The following ZBTB17 variants were observed in gnomAD, a reference collection of about 807,000 sequenced individuals.
ZBTB17 encodes zinc finger and BTB domain-containing protein 17.
A neutral mutation model predicts 85.1 loss-of-function variants in ZBTB17; 24 were observed. That is an observed-to-expected ratio of 0.28 (90% confidence interval 0.20 to 0.40). The LOEUF (loss-of-function observed/expected upper bound fraction) is 0.40, where lower values mean the gene tolerates loss of function less well. Ranked by LOEUF, ZBTB17 falls within the 10% of genes least tolerant of loss-of-function variation. The pLI, the probability that ZBTB17 is intolerant of heterozygous loss-of-function variation, is 1.00. For synonymous variants in ZBTB17, 464 were observed against 460.2 expected (o/e 1.01, Z -0.11); for missense variants, 743 against 1,105.1 (o/e 0.67, Z 4.65).
rs41339145 is a variant in ZBTB17 at position 15,970,200 on chromosome 1, T to A, written c.-3+2839A>T. 6.6e-4 allele frequency: 325 copies of A among 491,284 alleles called. 1 individual carries two copies. Among genetic ancestry groups the A allele is most frequent in the African/African-American group, 5.8e-3 (295 of 50,776 alleles). The allele number at this position is 491,284 out of a possible 1,614,324, so 30.4% of individuals were successfully genotyped here. ...TTGCTGCCAAGTTTATTTGCCAAGC[T>A]GATAAATGTCTAAATTGCTTGACTC... On this transcript the variant is annotated intron_variant, in intron 2 of 15. Coordinates refer to ENST00000375743, the MANE Select transcript of ZBTB17 (RefSeq NM_003443.3).
In ZBTB17 at chr1:15,948,297, C is replaced by T. The variant is rs1008508375; in HGVS notation, c.199G>A (p.Ala67Thr). The T allele has an allele frequency of 3.1e-6, 5 of 1,613,734 alleles. No individual in the cohort carries two copies. The highest frequency in any genetic ancestry group is 4.2e-6 in the Non-Finnish European group (5 of 1,180,050). The change falls in exon 3 of 16, where the codon GCG (alanine) becomes ACG (threonine). Residue 67 changes from alanine to threonine, a missense_variant. Physicochemically the swap from Ala to Thr is moderately conservative, Grantham distance 58. Coordinates refer to ENST00000375743, the MANE Select transcript of ZBTB17 (RefSeq NM_003443.3). ...KDVVHLDISN[A>T]AGLGQVLEFM... Reference sequence around the variant, plus strand: ...CCCAGCCCTGACGGGGTACCTGCCGCGTTACTGATGTCCAGGTGCACCACG... The same window carrying T: ...CCCAGCCCTGACGGGGTACCTGCCGTGTTACTGATGTCCAGGTGCACCACG...
At chr1:15,950,313 G>A (rs2071787202) in intron 2 of ZBTB17, among the ~76,000 whole-genome samples, 1 of 152,258 alleles carries the variant, frequency 6.6e-6, no homozygotes, top group South Asian at 2.1e-4. Flanking sequence ...ACATGGGGAG[G>A]CACCAATGTC....
intron 5 of ZBTB17, 74 bp downstream of exon 5, chr1:15,946,080 A>G (rs2071596493): frequency 2.5e-6 from 4 of 1,598,284 alleles, no homozygotes; most frequent in Non-Finnish European, 3.4e-6. Context: ...GCCCCAAGGC[A>G]GCCCTCACTA....
chr1:15,948,100 A>G (rs970645222), intron 3 of ZBTB17, 191 bp downstream of exon 3: 1 of 682,616 alleles, frequency 1.5e-6, no homozygotes, highest in East Asian at 2.7e-5. Flanking sequence ...TTACCACTCC[A>G]CTACCAATCA....
rs1032481570 is a variant in ZBTB17 at position 15,966,276 on chromosome 1, C to T, written c.-3+6763G>A. ...CGAAATTCGAGTGGAGCCTGCCACT[C>T]GGGACAGGAAAGTGACTGCTTAGGT... On this transcript the variant is annotated intron_variant, in intron 2 of 15. Transcript: ENST00000375743. The surrounding 1 kb of genome is among the most constrained non-coding windows in gnomAD (Gnocchi z 4.1). 3.3e-5 allele frequency among the ~76,000 whole-genome samples: 5 copies of T among 152,070 alleles called. No individual in the cohort carries two copies. Among genetic ancestry groups the T allele is most frequent in the Admixed American group, 6.6e-5 (1 of 15,266 alleles).
intron 2 of ZBTB17, among the ~76,000 whole-genome samples, chr1:15,971,120 G>T (rs1460741442): frequency 6.6e-6 from 1 of 152,014 alleles, no homozygotes; most frequent in East Asian, 1.9e-4. Context: ...AGAAATCAGT[G>T]TTCACAACTT....
chr1:15,958,415 C>CAAAAAA (rs34593133), intron 2 of ZBTB17, among the ~76,000 whole-genome samples: 2 of 84,622 alleles, frequency 2.4e-5, no homozygotes, highest in Non-Finnish European at 4.6e-5. Flanking sequence ...CCAATACGAC[C>CAAAAAA]AAAAAAAAAA....
intron 2 of ZBTB17, among the ~76,000 whole-genome samples, chr1:15,961,626 C>G (rs1215270965): frequency 6.6e-6 from 1 of 152,224 alleles, no homozygotes. Context: ...CCAGGGCTCG[C>G]CCTTCAACAA....
Position 15,945,131 on chromosome 1 carries a change from C to T in ZBTB17, c.733G>A (p.Ala245Thr). Residue 245 changes from alanine (A) to threonine (T), a missense_variant, in exon 7 of 16, where the codon GCA becomes ACA. By Grantham distance (58) the Ala-to-Thr change is moderately conservative. Transcript: ENST00000375743. ...KEQEEQEEEG[A>T]GPAEVKEEGS... ...TCCTCCTTGACCTCAGCTGGCCCTGCGCCCTCCTCCTCTTGCTCCTCTTGC... is the reference window on the plus strand; with the variant it reads ...TCCTCCTTGACCTCAGCTGGCCCTGTGCCCTCCTCCTCTTGCTCCTCTTGC... 1 of 1,601,320 alleles carries T rather than the reference C, an allele frequency of 6.2e-7. No individual in the cohort carries two copies. Among genetic ancestry groups the T allele is most frequent in the Non-Finnish European group, 8.5e-7 (1 of 1,174,040 alleles).
At chr1:15,956,998 G>A (rs896648516) in intron 2 of ZBTB17, among the ~76,000 whole-genome samples, 32 of 152,072 alleles carry the variant, frequency 2.1e-4, no homozygotes, top group Non-Finnish European at 4.3e-4. Context: ...GGCCGACATA[G>A]TGAAACCCCA....
chr1:15,975,367 C>A (rs908784883), intron 1 of ZBTB17, among the ~76,000 whole-genome samples: 1 of 152,214 alleles, frequency 6.6e-6, no homozygotes, highest in African/African-American at 2.4e-5. Context: ...GATTCAAACC[C>A]CGCTGCTGGG....
At position 15,951,478 on chromosome 1, in the gene ZBTB17, A is replaced by G. The variant is rs1418231623; in HGVS notation, c.-2-2981T>C. Among the ~76,000 whole-genome samples the G allele has an allele frequency of 1.3e-5, 2 of 152,196 alleles. No homozygotes were observed. Among genetic ancestry groups the G allele is most frequent in the African/African-American group, 2.4e-5 (1 of 41,464 alleles). On this transcript the variant is annotated intron_variant, in intron 2 of 15. Coordinates refer to ENST00000375743, the MANE Select transcript of ZBTB17 (RefSeq NM_003443.3). The surrounding 1 kb of genome is among the most constrained non-coding windows in gnomAD (Gnocchi z 4.1). ...CTAAGTGCTAAATGGTGTTACCCGCAGAACTGTGTCACTGTGGACTTTACA... is the reference window on the plus strand; with the variant it reads ...CTAAGTGCTAAATGGTGTTACCCGCGGAACTGTGTCACTGTGGACTTTACA...
At chr1:15,971,483 T>TACACACTATATATATAC (rs2072669370) in intron 2 of ZBTB17, among the ~76,000 whole-genome samples, 3 of 85,912 alleles carry the variant, frequency 3.5e-5, no homozygotes, top group African/African-American at 1.6e-4. Flanking sequence ...ACTATATATA[T>TACACACTATATATATAC]ACACACACTA....
At chr1:15,944,117 T>TC in intron 9 of ZBTB17, 183 bp downstream of exon 9, 1 of 1,094,690 alleles carries the variant, frequency 9.1e-7, no homozygotes, top group Non-Finnish European at 1.3e-6. Flanking sequence ...CGGCCTGCCC[T>TC]CCGCAGAGCA....
At chr1:15,945,640 G>A (rs2071565783) in intron 6 of ZBTB17, 75 bp downstream of exon 6, 3 of 1,571,164 alleles carry the variant, frequency 1.9e-6, no homozygotes, top group Admixed American at 1.8e-5. Context: ...GGAGAGGGAG[G>A]CCCCAGTGCG....
At position 15,966,887 on chromosome 1, in the gene ZBTB17, G is replaced by A. The variant is rs1218041722; in HGVS notation, c.-3+6152C>T. ...CCCAGCACTGCACTCCAACCTGGGC[G>A]AAAGAGCGAGACCCTGTCTCAAAAA... On this transcript the variant is annotated intron_variant, in intron 2 of 15. Coordinates refer to ENST00000375743, the MANE Select transcript of ZBTB17 (RefSeq NM_003443.3). The surrounding 1 kb of genome is among the most constrained non-coding windows in gnomAD (Gnocchi z 4.1). Among the ~76,000 whole-genome samples the A allele has an allele frequency of 2.7e-5, 4 of 149,882 alleles. No homozygotes were observed. Among genetic ancestry groups the A allele is most frequent in the East Asian group, 2.0e-4 (1 of 5,032 alleles).
chr1:15,947,514 C>T (rs1557777850), intron 3 of ZBTB17, among the ~76,000 whole-genome samples: 1 of 151,902 alleles, frequency 6.6e-6, no homozygotes, highest in Non-Finnish European at 1.5e-5. Flanking sequence ...AATATGCACC[C>T]TGCACAGAGG....
Position 15,943,691 on chromosome 1 carries a change from A to G in ZBTB17, c.1484T>C (p.Ile495Thr). Residue 495 changes from isoleucine (I) to threonine (T), a missense_variant, in exon 11 of 16, where the codon ATC becomes ACC. This residue lies in a region of ZBTB17 where 321 missense variants were observed against 615.7 expected (regional missense o/e 0.52). Transcript: ENST00000375743. ...CACGTAGGGCTTCTCCCCGCTGTGG[A>G]TCCGAAGGTGCCGCTTCAGGTTCCC... is the stretch of plus-strand genomic sequence containing the variant. ...TSGNLKRHLR[I>T]HSGEKPYVCI... 6.2e-7 allele frequency: 1 copy of G among 1,613,318 alleles called. No homozygotes were observed. Among genetic ancestry groups the G allele is most frequent in the South Asian group, 1.1e-5 (1 of 91,088 alleles).
intron 2 of ZBTB17, among the ~76,000 whole-genome samples, chr1:15,949,590 G>A (rs540745472): frequency 2.0e-5 from 3 of 152,344 alleles, no homozygotes; most frequent in East Asian, 1.9e-4. Context: ...GCACGGGGCT[G>A]GCTCCCCGGC....
Sources: gnomAD v4.1 joint callset for allele counts (sites outside exome capture counted in the v4.1 genomes callset) on GRCh38, gnomAD v4.1.1 for gene constraint, gnomAD v4.1.1 regional missense constraint, Gnocchi (gnomAD v3.1) non-coding constraint, MANE v1.5 for transcripts, NCBI Gene and HGNC (gene_info 2026-07-23, HGNC 2026-07-21) for gene names.